The following SMAD9 variants were observed in gnomAD, a reference collection of about 807,000 sequenced individuals.
The protein encoded by SMAD9 is SMAD family member 9.
Under a neutral mutation model 46.1 loss-of-function variants are expected in SMAD9, and 36 were observed. The ratio of observed to expected loss-of-function variants is 0.78; its 90% CI spans 0.60 to 1.03. The LOEUF is 1.03. SMAD9 is among the 50% of genes least tolerant of loss of function. The pLI is 0.00. For synonymous variants in SMAD9, 245 were observed against 237.1 expected (o/e 1.03, Z -0.31); for missense variants, 572 against 599.8 (o/e 0.95, Z 0.48).
At chr13:36,898,782 A>T (rs1365605960) in intron 1 of SMAD9, among the ~76,000 whole-genome samples, 1 of 152,226 alleles carries the variant, frequency 6.6e-6, no homozygotes, top group Non-Finnish European at 1.5e-5. Context: ...CACAATCTGT[A>T]CAGGGTAACT....
intron 1 of SMAD9, among the ~76,000 whole-genome samples, chr13:36,883,727 G>A (rs1289473702): frequency 6.6e-6 from 1 of 152,028 alleles, no homozygotes; most frequent in Non-Finnish European, 1.5e-5. Flanking sequence ...CTCCAGCCTG[G>A]GCAACAGAGA....
chr13:36,905,605 GAAAAACAA>G (rs764682871), intron 1 of SMAD9, among the ~76,000 whole-genome samples: 3 of 150,906 alleles, frequency 2.0e-5, no homozygotes, highest in Non-Finnish European at 4.4e-5. Context: ...AAACAAAAAC[GAAAAACAA>G]AAAAACAAAA....
chr13:36,914,664 A>G (rs949186094), intron 1 of SMAD9, among the ~76,000 whole-genome samples: 3 of 152,250 alleles, frequency 2.0e-5, no homozygotes, highest in African/African-American at 7.2e-5. Context: ...AAGTGTACTG[A>G]TAAGAGATGT....
At chr13:36,900,684 T>TAC (rs58756918) in intron 1 of SMAD9, among the ~76,000 whole-genome samples, 20,781 of 142,596 alleles carry the variant, frequency 0.15, 1,590 homozygotes, top group Middle Eastern at 0.22. Flanking sequence ...TCATTATGAC[T>TAC]ACACACACAC....
chr13:36,881,100 C>A (rs1283783710), intron 1 of SMAD9, among the ~76,000 whole-genome samples: 1 of 152,198 alleles, frequency 6.6e-6, no homozygotes, highest in Non-Finnish European at 1.5e-5. Flanking sequence ...CTAAAATCAG[C>A]TTAATTCTTC....
intron 3 of SMAD9, among the ~76,000 whole-genome samples, chr13:36,872,372 TAAA>T (rs55908547): frequency 4.2e-5 from 6 of 144,124 alleles, no homozygotes; most frequent in Non-Finnish European, 7.6e-5. Flanking sequence ...TCTACTGCCT[TAAA>T]AAAAAAAATC....
chr13:36,853,305 A>C, intron 6 of SMAD9, 114 bp downstream of exon 6: 1 of 941,194 alleles, frequency 1.1e-6, no homozygotes, highest in Non-Finnish European at 1.7e-6. Flanking sequence ...AATAATAATA[A>C]ATTGGTTTTG....
At chr13:36,889,915 A>T (rs2058476338) in intron 1 of SMAD9, among the ~76,000 whole-genome samples, 1 of 152,176 alleles carries the variant, frequency 6.6e-6, no homozygotes, top group Non-Finnish European at 1.5e-5. Context: ...TACTCCAGCA[A>T]TTCTGACCCA....
chr13:36,845,746 A>G lies in SMAD9; in HGVS notation c.*2930T>C, dbSNP rs1268490353. 1.3e-5 allele frequency: 2 copies of G among 152,208 alleles called. No individual in the cohort carries two copies. The highest frequency in any genetic ancestry group is 4.8e-5 in the African/African-American group (2 of 41,466). 9.4% of individuals were successfully genotyped at this position (152,208 alleles called of 1,614,324 possible). ...TTGGTAGCAAAAGAAAAAGCTGATT[A>G]AAATATGATTGTGTTACAATGACTA... On this transcript the variant is annotated 3_prime_UTR_variant, in exon 7 of 7. Coordinates refer to ENST00000379826, the MANE Select transcript of SMAD9 (RefSeq NM_001127217.3).
At chr13:36,867,633 T>C (rs990605689) in intron 3 of SMAD9, among the ~76,000 whole-genome samples, 3 of 152,140 alleles carry the variant, frequency 2.0e-5, no homozygotes, top group Non-Finnish European at 4.4e-5. Flanking sequence ...TATCATTGAG[T>C]TCTAATGACT....
rs375100377 is a variant in SMAD9 at position 36,907,845 on chromosome 13, T to C, written c.-187+12271A>G. 1.2e-4 allele frequency among the ~76,000 whole-genome samples: 19 copies of C among 152,340 alleles called. No individual in the cohort carries two copies. The East Asian group carries it at 2.1e-3, about 17-fold the overall frequency. On this transcript the variant is annotated intron_variant, in intron 1 of 6. Coordinates refer to ENST00000379826, the MANE Select transcript of SMAD9 (RefSeq NM_001127217.3). ...AAATTAGAGGTATTTTAATAAACTC[T>C]AATTTTCAGGTAGAAAATAATGTGC... is the stretch of plus-strand genomic sequence containing the variant.
At chr13:36,877,853 G>A (rs2058360526) in intron 2 of SMAD9, among the ~76,000 whole-genome samples, 1 of 152,028 alleles carries the variant, frequency 6.6e-6, no homozygotes, top group Admixed American at 6.6e-5. Flanking sequence ...AGGTAGGCTG[G>A]GCATAAATCA....
intron 1 of SMAD9, among the ~76,000 whole-genome samples, chr13:36,897,849 CTTTTTT>C (rs574741770): frequency 4.4e-5 from 4 of 90,018 alleles, no homozygotes; most frequent in Non-Finnish European, 8.3e-5. Context: ...TGTCCTGTGT[CTTTTTT>C]TTTTTTTTTT....
chr13:36,879,497 G>A lies in SMAD9; in HGVS notation c.193C>T (p.Pro65Ser), dbSNP rs781679938. 19 of 1,613,910 alleles carry A rather than the reference G, an allele frequency of 1.2e-5. No homozygotes were observed. The highest frequency in any genetic ancestry group is 2.2e-5 in the South Asian group (2 of 91,092). The change falls in exon 2 of 7, where the codon CCC becomes TCC. Residue 65 changes from proline (P) to serine (S), a missense_variant. Pro to Ser is a moderately conservative substitution (Grantham distance 74). Transcript: ENST00000379826. Reference sequence around the variant, plus strand: ...CGGGGAATCGTGACGCATTTGCTGGGCTGCCCCGGGCAGCTGAGAGCCCTC... The same window carrying A: ...CGGGGAATCGTGACGCATTTGCTGGACTGCCCCGGGCAGCTGAGAGCCCTC... ...LERALSCPGQ[P>S]SKCVTIPRSL...
intron 2 of SMAD9, 60 bp from the exon 3 acceptor site, chr13:36,872,975 A>C: frequency 6.4e-7 from 1 of 1,572,652 alleles, no homozygotes; most frequent in Non-Finnish European, 8.7e-7. Context: ...TACACAACAG[A>C]GTGGATACTT....
At chr13:36,917,563 CCT>C (rs765463472) in intron 1 of SMAD9, among the ~76,000 whole-genome samples, 63 of 150,406 alleles carry the variant, frequency 4.2e-4, no homozygotes, top group African/African-American at 1.5e-3. Flanking sequence ...TTCTTTAACT[CCT>C]CTCTAAGTGT....
intron 1 of SMAD9, among the ~76,000 whole-genome samples, chr13:36,918,107 T>C (rs2058712509): frequency 6.6e-6 from 1 of 152,048 alleles, no homozygotes; most frequent in African/African-American, 2.4e-5. Flanking sequence ...GATGCAAGAG[T>C]TGACATCTGT....
chr13:36,885,344 T>C (rs2138536491), intron 1 of SMAD9, among the ~76,000 whole-genome samples: 1 of 152,200 alleles, frequency 6.6e-6, no homozygotes, highest in South Asian at 2.1e-4. Flanking sequence ...ATATATCATG[T>C]CTTATTACCG....
At chr13:36,871,605 T>A (rs779731575) in intron 3 of SMAD9, among the ~76,000 whole-genome samples, 32 of 152,228 alleles carry the variant, frequency 2.1e-4, no homozygotes, top group Non-Finnish European at 4.3e-4. Context: ...CCACTGCATT[T>A]CAGGCTCTGT....
Sources: gnomAD v4.1 joint callset for allele counts (sites outside exome capture counted in the v4.1 genomes callset) on GRCh38, gnomAD v4.1.1 for gene constraint, MANE v1.5 for transcripts, NCBI Gene and HGNC (gene_info 2026-07-23, HGNC 2026-07-21) for gene names.